Variants in IMMP2L observed in about 807,000 individuals in gnomAD.
IMMP2L encodes mitochondrial inner membrane protease subunit 2.
IMMP2L carries 18 observed loss-of-function variants against 19.3 expected under a neutral mutation model. That is an observed-to-expected ratio of 0.93 (90% confidence interval 0.64 to 1.38). IMMP2L has a LOEUF of 1.38. Ranked by LOEUF, IMMP2L falls within the 40% of genes most tolerant of loss-of-function variation. The pLI is 0.00. For synonymous variants in IMMP2L, 76 were observed against 73.0 expected, an observed-to-expected ratio of 1.04 and a Z score of -0.21; for missense variants, 233 against 218.2, an observed-to-expected ratio of 1.07 and a Z score of -0.43.
At chr7:110,699,121 T>A (rs1318272978) in intron 5 of IMMP2L, among the ~76,000 whole-genome samples, 1 of 152,000 alleles carries the variant, frequency 6.6e-6, no homozygotes, top group Admixed American at 6.6e-5. Context: ...GGAAAAGTGT[T>A]ATTCTTCCCC....
chr7:111,282,834 C>A (rs1370868540), intron 3 of IMMP2L, among the ~76,000 whole-genome samples: 1 of 152,100 alleles, frequency 6.6e-6, no homozygotes, highest in African/African-American at 2.4e-5. Context: ...TTCACCCCCT[C>A]GGCCTCCCTA....
At chr7:111,323,690 G>A (rs1293345897) in intron 3 of IMMP2L, among the ~76,000 whole-genome samples, 6 of 152,062 alleles carry the variant, frequency 3.9e-5, no homozygotes, top group South Asian at 2.1e-4. Flanking sequence ...ACACATCCAC[G>A]CATATGTTTA....
chr7:110,687,156 A>C (rs1001706725), intron 5 of IMMP2L, among the ~76,000 whole-genome samples: 5 of 152,058 alleles, frequency 3.3e-5, no homozygotes, highest in African/African-American at 7.2e-5. Flanking sequence ...CTCTGTATTC[A>C]TAACATTTTG....
chr7:111,354,245 T>C lies in IMMP2L; in HGVS notation c.239+132993A>G, dbSNP rs1828469263. 2.6e-5 allele frequency among the ~76,000 whole-genome samples: 4 copies of C among 152,138 alleles called. No individual in the cohort carries two copies. In the South Asian group the frequency reaches 8.3e-4, roughly 32 times the overall value. On this transcript the variant is annotated intron_variant, in intron 3 of 5. Transcript: ENST00000405709. The stretch of plus-strand genomic sequence containing the variant: ...CCAAATAAGATTTAATCCAGGAATG[T>C]AAGACAGGTAAATTTAAAGATACCT...
intron 3 of IMMP2L, among the ~76,000 whole-genome samples, chr7:111,073,288 GGAGA>G (rs952746328): frequency 3.3e-5 from 5 of 152,062 alleles, no homozygotes; most frequent in African/African-American, 1.2e-4. Context: ...AGAGAGAGGA[GGAGA>G]GAGAGCAAGA....
Position 110,896,657 on chromosome 7 carries a change from T to TTCAAAAAA in IMMP2L, c.306-9963_306-9962insTTTTTTGA, listed in dbSNP as rs1359180457. On this transcript the variant is annotated intron_variant, in intron 4 of 5. Coordinates refer to ENST00000405709, the MANE Select transcript of IMMP2L (RefSeq NM_032549.4). The stretch of plus-strand genomic sequence containing the variant: ...AAAATACTGAGGTATTTTCGTATGT[T>TTCAAAAAA]ATTTTACATATAATTGGTATTATTG... 2.9e-4 allele frequency among the ~76,000 whole-genome samples: 8 copies of TTCAAAAAA among 27,452 alleles called. 2 individuals are homozygous for TTCAAAAAA. Among genetic ancestry groups the TTCAAAAAA allele is most frequent in the African/African-American group, 2.4e-3 (4 of 1,638 alleles). The allele number at this position is 27,452 out of a possible 152,430, so 18.0% of individuals were successfully genotyped here.
intron 3 of IMMP2L, among the ~76,000 whole-genome samples, chr7:111,076,436 T>C (rs1418407612): frequency 1.3e-5 from 2 of 152,032 alleles, no homozygotes; most frequent in Non-Finnish European, 2.9e-5. Context: ...GTGGGGATTT[T>C]TTGTTTTTTG....
At chr7:111,487,711 C>T (rs1336537113) in intron 2 of IMMP2L, among the ~76,000 whole-genome samples, 4 of 152,122 alleles carry the variant, frequency 2.6e-5, no homozygotes, top group Non-Finnish European at 5.9e-5. Flanking sequence ...CAGTAGTACA[C>T]ATCATTGTTC....
chr7:111,077,139 T>G (rs1795482858), intron 3 of IMMP2L, among the ~76,000 whole-genome samples: 1 of 152,190 alleles, frequency 6.6e-6, no homozygotes, highest in Non-Finnish European at 1.5e-5. Flanking sequence ...TAGTTATATT[T>G]TTGCAAAACA....
chr7:111,358,904 T>C (rs1388314631), intron 3 of IMMP2L, among the ~76,000 whole-genome samples: 1 of 152,146 alleles, frequency 6.6e-6, no homozygotes, highest in African/African-American at 2.4e-5. Context: ...CGACATACTA[T>C]TATATTTCAT....
At chr7:110,692,638 C>T (rs369408927) in intron 5 of IMMP2L, among the ~76,000 whole-genome samples, 3 of 152,060 alleles carry the variant, frequency 2.0e-5, no homozygotes, top group African/African-American at 7.2e-5. Flanking sequence ...TTTCAAACTT[C>T]GCCGATTATT....
chr7:111,405,000 A>G (rs573002653), intron 3 of IMMP2L, among the ~76,000 whole-genome samples: 5 of 150,848 alleles, frequency 3.3e-5, no homozygotes, highest in South Asian at 4.2e-4. Flanking sequence ...GTAGATTGCT[A>G]GAACTACAGT....
intron 3 of IMMP2L, among the ~76,000 whole-genome samples, chr7:111,037,895 G>A (rs753352684): frequency 3.9e-5 from 6 of 152,158 alleles, no homozygotes; most frequent in Admixed American, 1.3e-4. Context: ...GTAGATGACA[G>A]TTTTAAATGT....
chr7:110,943,142 T>A (rs1344798672), intron 4 of IMMP2L, among the ~76,000 whole-genome samples: 1 of 151,972 alleles, frequency 6.6e-6, no homozygotes, highest in African/African-American at 2.4e-5. Flanking sequence ...TCCAGATTTC[T>A]CTCCTCCAAG....
At chr7:111,269,038 A>G (rs1392521995) in intron 3 of IMMP2L, among the ~76,000 whole-genome samples, 1 of 152,136 alleles carries the variant, frequency 6.6e-6, no homozygotes. Flanking sequence ...AAAAGTAAGG[A>G]CAATACAGGG....
In IMMP2L at chr7:111,303,234, T is replaced by C. The variant is rs76817895; in HGVS notation, c.239+184004A>G. ...GCTATAGAAATCTGAAAAGTTAAAA[T>C]AGCATGTATTCTTTACAGATCATTT... On this transcript the variant is annotated intron_variant, in intron 3 of 5. Coordinates refer to ENST00000405709, the MANE Select transcript of IMMP2L (RefSeq NM_032549.4). Among the ~76,000 whole-genome samples the C allele has an allele frequency of 8.8e-3, 1,334 of 152,228 alleles. 22 individuals carry two copies. The highest frequency in any genetic ancestry group is 0.03 in the African/African-American group (1,260 of 41,552).
chr7:111,047,537 C>T (rs1385564975), intron 3 of IMMP2L, among the ~76,000 whole-genome samples: 1 of 152,052 alleles, frequency 6.6e-6, no homozygotes, highest in Non-Finnish European at 1.5e-5. Flanking sequence ...TTTCAAGATA[C>T]AACCTTGAAG....
chr7:111,521,409 C>G lies in IMMP2L; in HGVS notation c.39G>C (p.Lys13Asn). ...QSQGWVKRYI[K>N]AFCKGFFVAV... Reference sequence around the variant, plus strand: ...CCACAAAGAAGCCTTTACAAAAGGCCTTGATGTATCTTTTCACCCACCCTT... The same window carrying G: ...CCACAAAGAAGCCTTTACAAAAGGCGTTGATGTATCTTTTCACCCACCCTT... Residue 13 changes from lysine (K) to asparagine (N), a missense_variant, in exon 2 of 6, where the codon AAG becomes AAC. Coordinates refer to ENST00000405709, the MANE Select transcript of IMMP2L (RefSeq NM_032549.4). The G allele has an allele frequency of 6.2e-7, 1 of 1,612,830 alleles. No homozygotes were observed. The highest frequency in any genetic ancestry group is 1.3e-5 in the African/African-American group (1 of 74,958).
At chr7:111,470,234 G>A (rs1190460308) in intron 3 of IMMP2L, among the ~76,000 whole-genome samples, 1 of 152,128 alleles carries the variant, frequency 6.6e-6, no homozygotes, top group Non-Finnish European at 1.5e-5. Context: ...AACAGGTGCT[G>A]GAGAGGATGT....
Sources: gnomAD v4.1 joint callset for allele counts (sites outside exome capture counted in the v4.1 genomes callset) on GRCh38, gnomAD v4.1.1 for gene constraint, MANE v1.5 for transcripts, NCBI Gene and HGNC (gene_info 2026-07-23, HGNC 2026-07-21) for gene names.